RNLS: variants seen among roughly 807,000 people sequenced by gnomAD.
The protein encoded by RNLS is renalase.
Under a neutral mutation model 39.8 loss-of-function variants are expected in RNLS, and 39 were observed. The ratio of observed to expected loss-of-function variants is 0.98; its 90% CI spans 0.76 to 1.28. The LOEUF (loss-of-function observed/expected upper bound fraction) is 1.28, where lower values mean the gene tolerates loss of function less well. RNLS is among the 50% of genes most tolerant of loss of function. The pLI is 0.00. For missense variants in RNLS, 410 were observed against 413.3 expected (o/e 0.99, Z 0.07); for synonymous variants, 147 against 150.7 (o/e 0.98, Z 0.18).
At chr10:88,440,365 T>C (rs1236323276) in intron 4 of RNLS, among the ~76,000 whole-genome samples, 2 of 152,224 alleles carry the variant, frequency 1.3e-5, no homozygotes, top group Non-Finnish European at 2.9e-5. Context: ...TGACTTCAAT[T>C]ACCAGCAGTC....
intron 4 of RNLS, among the ~76,000 whole-genome samples, chr10:88,499,404 T>C (rs144135069): frequency 6.6e-6 from 1 of 152,270 alleles, no homozygotes; most frequent in Non-Finnish European, 1.5e-5. Flanking sequence ...TTCTTTATAG[T>C]TCTTCCTCCC....
intron 4 of RNLS, among the ~76,000 whole-genome samples, chr10:88,438,122 T>TA (rs571001948): frequency 0.31 from 36,361 of 116,520 alleles, 5,676 homozygotes; most frequent in African/African-American, 0.44. Flanking sequence ...GTGAAACTCC[T>TA]AAAAAAAAAA....
At chr10:88,212,611 T>C in the RNLS span, among the ~76,000 whole-genome samples, 150 of 152,324 alleles carry the variant, frequency 9.8e-4, 1 homozygote, top group Non-Finnish European at 1.9e-3. Flanking sequence ...CTTATTTCAT[T>C]TTGGATACTA....
intron 5 of RNLS, among the ~76,000 whole-genome samples, chr10:88,351,516 G>T (rs1164703478): frequency 6.6e-6 from 1 of 152,068 alleles, no homozygotes; most frequent in Admixed American, 6.6e-5. Context: ...TCTTTGTCAG[G>T]TTTGTCAAAA....
At chr10:88,533,731 G>A (rs1847575172) in intron 4 of RNLS, among the ~76,000 whole-genome samples, 3 of 152,082 alleles carry the variant, frequency 2.0e-5, no homozygotes, top group Non-Finnish European at 4.4e-5. Flanking sequence ...GACAAGACAG[G>A]GAGTGACACT....
At chr10:88,378,708 T>C (rs1274551379) in intron 4 of RNLS, among the ~76,000 whole-genome samples, 1 of 152,230 alleles carries the variant, frequency 6.6e-6, no homozygotes, top group African/African-American at 2.4e-5. Context: ...ATACCCTTTT[T>C]GTCCAATCAT....
At chr10:88,342,112 A>G (rs1848000638) in intron 5 of RNLS, among the ~76,000 whole-genome samples, 1 of 152,168 alleles carries the variant, frequency 6.6e-6, no homozygotes, top group Non-Finnish European at 1.5e-5. Context: ...CTTAGGCCAA[A>G]GCTGTTCAAA....
At chr10:88,368,598 G>A (rs565212292) in intron 4 of RNLS, among the ~76,000 whole-genome samples, 68 of 151,832 alleles carry the variant, frequency 4.5e-4, no homozygotes, top group African/African-American at 1.4e-3. Context: ...ATAATTTTGC[G>A]TACCGAATTT....
intron 4 of RNLS, among the ~76,000 whole-genome samples, chr10:88,497,375 A>G (rs144260320): frequency 1.3e-5 from 2 of 152,188 alleles, no homozygotes; most frequent in African/African-American, 4.8e-5. Context: ...GCCCTCACTG[A>G]AAGATTTATA....
chr10:88,386,143 C>T (rs1459070695), intron 4 of RNLS, among the ~76,000 whole-genome samples: 4 of 152,170 alleles, frequency 2.6e-5, no homozygotes, highest in Non-Finnish European at 5.9e-5. Context: ...TGCAGTCGTG[C>T]TTAGGGCCTT....
At chr10:88,378,554 T>TTGAC (rs1851209671) in intron 4 of RNLS, among the ~76,000 whole-genome samples, 1 of 152,212 alleles carries the variant, frequency 6.6e-6, no homozygotes. Context: ...CCTACCTTGT[T>TTGAC]TGACTGTAGG....
the RNLS span, among the ~76,000 whole-genome samples, chr10:88,220,234 C>T: frequency 5.3e-5 from 8 of 152,168 alleles, no homozygotes; most frequent in Non-Finnish European, 1.2e-4. Context: ...TCAATTCCAC[C>T]CACGGCTATA....
At chr10:88,404,194 C>G (rs1275941532) in intron 4 of RNLS, among the ~76,000 whole-genome samples, 1 of 152,176 alleles carries the variant, frequency 6.6e-6, no homozygotes, top group East Asian at 1.9e-4. Context: ...GCAATCCTAG[C>G]TTGTTAACTT....
the RNLS span, among the ~76,000 whole-genome samples, chr10:88,260,350 T>C: frequency 2.0e-5 from 3 of 152,248 alleles, no homozygotes; most frequent in Non-Finnish European, 4.4e-5. Flanking sequence ...ATCAAATGTT[T>C]ATCAGATAGT....
chr10:88,444,465 G>A (rs532508804), intron 4 of RNLS, among the ~76,000 whole-genome samples: 1 of 152,320 alleles, frequency 6.6e-6, no homozygotes, highest in Admixed American at 6.5e-5. Flanking sequence ...AACAAAGCTG[G>A]ACAGAGAATG....
rs78216973 is a variant in RNLS at position 88,572,854 on chromosome 10, A to G, written c.526+49T>C. On this transcript the variant is annotated intron_variant, in intron 4 of 6. Transcript: ENST00000331772. ...AGTTAAACCAAATTCATGCTTTGTCAAAAGAAATCCCATTCCCTGAGGCAG... is the reference window on the plus strand; with the variant it reads ...AGTTAAACCAAATTCATGCTTTGTCGAAAGAAATCCCATTCCCTGAGGCAG... The G allele has an allele frequency of 5.1e-3, 8,060 of 1,591,320 alleles. 256 individuals carry two copies. In the South Asian group the frequency reaches 0.061, roughly 12 times the overall value.
At chr10:88,246,659 T>G in the RNLS span, among the ~76,000 whole-genome samples, 1 of 151,936 alleles carries the variant, frequency 6.6e-6, no homozygotes, top group Non-Finnish European at 1.5e-5. Flanking sequence ...TTCCTCCCAC[T>G]CTCTCTCACG....
At chr10:88,573,135 A>C in intron 3 of RNLS, 74 bp from the exon 4 acceptor site, 1 of 1,423,100 alleles carries the variant, frequency 7.0e-7, no homozygotes, top group Non-Finnish European at 9.7e-7. Context: ...AGTAGTCACA[A>C]ACTGAATCCA....
At chr10:88,556,235 C>A (rs1848867558) in intron 4 of RNLS, among the ~76,000 whole-genome samples, 1 of 152,142 alleles carries the variant, frequency 6.6e-6, no homozygotes, top group African/African-American at 2.4e-5. Flanking sequence ...ATCAGCAAAT[C>A]CTGGCAGCCA....
Sources: gnomAD v4.1 joint callset for allele counts (sites outside exome capture counted in the v4.1 genomes callset) on GRCh38, gnomAD v4.1.1 for gene constraint, MANE v1.5 for transcripts, NCBI Gene and HGNC (gene_info 2026-07-23, HGNC 2026-07-21) for gene names.